Variants in ADGRB3 observed in about 807,000 individuals in gnomAD.
ADGRB3 encodes brain-specific angiogenesis inhibitor 3.
In ADGRB3, 37 loss-of-function variants were observed where a neutral mutation model predicts 193.4. That is an observed-to-expected ratio of 0.19 (90% CI 0.15 to 0.25). The LOEUF (loss-of-function observed/expected upper bound fraction) is 0.25, where lower values mean the gene tolerates loss of function less well. ADGRB3 is among the 10% of genes least tolerant of loss of function. ADGRB3 has a pLI of 1.00. For missense variants in ADGRB3, 1,637 were observed against 1,852.9 expected, an observed-to-expected ratio of 0.88 and a Z score of 2.14; for synonymous variants, 690 against 644.2, an observed-to-expected ratio of 1.07 and a Z score of -1.08.
At chr6:68,720,485 A>G (rs1765557540) in intron 3 of ADGRB3, among the ~76,000 whole-genome samples, 1 of 151,794 alleles carries the variant, frequency 6.6e-6, no homozygotes, top group Non-Finnish European at 1.5e-5. Flanking sequence ...AATTTGTATC[A>G]GAAACTCTAA....
At chr6:69,114,796 G>T (rs556872688) in intron 17 of ADGRB3, among the ~76,000 whole-genome samples, 382 of 152,154 alleles carry the variant, frequency 2.5e-3, no homozygotes, top group Middle Eastern at 0.01. Context: ...CTTTTTGTCA[G>T]GTTTGTCAAA....
intron 3 of ADGRB3, among the ~76,000 whole-genome samples, chr6:68,810,154 G>A (rs1020375454): frequency 2.0e-5 from 3 of 152,132 alleles, no homozygotes; most frequent in African/African-American, 7.2e-5. Context: ...ATGGGAAATT[G>A]CTCAGTTGAT....
intron 3 of ADGRB3, among the ~76,000 whole-genome samples, chr6:68,753,265 G>A (rs1766236718): frequency 6.6e-6 from 1 of 152,206 alleles, no homozygotes; most frequent in South Asian, 2.1e-4. Flanking sequence ...ATAGGAGATT[G>A]ATTAGAAAGT....
At chr6:69,342,213 T>TA (rs1768988608) in intron 26 of ADGRB3, among the ~76,000 whole-genome samples, 1 of 152,118 alleles carries the variant, frequency 6.6e-6, no homozygotes, top group Non-Finnish European at 1.5e-5. Context: ...TAATGGAAAA[T>TA]AAAAATATGG....
chr6:68,770,438 G>A (rs899704265), intron 3 of ADGRB3, among the ~76,000 whole-genome samples: 1 of 151,960 alleles, frequency 6.6e-6, no homozygotes, highest in Non-Finnish European at 1.5e-5. Context: ...ACAATTGGGA[G>A]ACATGTCTGT....
At chr6:68,772,894 A>AAAAAATATATAT (rs1466813173) in intron 3 of ADGRB3, among the ~76,000 whole-genome samples, 1 of 22,884 alleles carries the variant, frequency 4.4e-5, no homozygotes, top group African/African-American at 1.9e-4. Flanking sequence ...AAAAAAAAAA[A>AAAAAATATATAT]ATATATATAT....
chr6:69,287,459 A>AT (rs1252535286), intron 20 of ADGRB3, among the ~76,000 whole-genome samples: 1 of 152,198 alleles, frequency 6.6e-6, no homozygotes, highest in African/African-American at 2.4e-5. Flanking sequence ...AAGAAAAAAA[A>AT]CTGAATCTAC....
At chr6:69,155,297 C>A (rs186285401) in intron 17 of ADGRB3, among the ~76,000 whole-genome samples, 15 of 152,316 alleles carry the variant, frequency 9.8e-5, no homozygotes, top group African/African-American at 3.6e-4. Flanking sequence ...CCATTAACTT[C>A]AAGACAAGAT....
At chr6:69,180,964 C>T (rs1037891017) in intron 17 of ADGRB3, among the ~76,000 whole-genome samples, 1 of 152,142 alleles carries the variant, frequency 6.6e-6, no homozygotes, top group Non-Finnish European at 1.5e-5. Flanking sequence ...TCACAGAGTA[C>T]CCAAGCCTCT....
chr6:69,168,822 A>T (rs1775197099), intron 17 of ADGRB3, among the ~76,000 whole-genome samples: 1 of 152,122 alleles, frequency 6.6e-6, no homozygotes, highest in Non-Finnish European at 1.5e-5. Context: ...AGTTGGAAAA[A>T]TCAGCATGTA....
intron 8 of ADGRB3, among the ~76,000 whole-genome samples, chr6:68,967,005 G>T (rs1262822154): frequency 6.6e-6 from 1 of 152,168 alleles, no homozygotes; most frequent in Non-Finnish European, 1.5e-5. Flanking sequence ...TTCAAAGAAT[G>T]CCAAGTCACC....
Position 68,845,598 on chromosome 6 carries a change from G to T in ADGRB3, c.758-84961G>T, listed in dbSNP as rs186403116. Among the ~76,000 whole-genome samples the T allele has an allele frequency of 3.9e-5, 6 of 152,276 alleles. No individual in the cohort carries two copies. The East Asian group carries it at 1.2e-3, about 29-fold the overall frequency. On this transcript the variant is annotated intron_variant, in intron 3 of 31. Transcript: ENST00000370598. Reference sequence around the variant, plus strand: ...AGTAGGTCTTTCTCATGCTATTCTTGTGATAGTGAATAAGTGTCACGAGAT... The same window carrying T: ...AGTAGGTCTTTCTCATGCTATTCTTTTGATAGTGAATAAGTGTCACGAGAT...
chr6:69,017,217 C>T (rs922021794), intron 12 of ADGRB3, among the ~76,000 whole-genome samples: 1 of 151,902 alleles, frequency 6.6e-6, no homozygotes, highest in Non-Finnish European at 1.5e-5. Context: ...CAACCGCAAG[C>T]CCCTTTGAAA....
rs573660290 is a variant in ADGRB3, at chr6:69,206,709, CAAAAG to C, written c.2481-26578_2481-26574del. Among the ~76,000 whole-genome samples the C allele has an allele frequency of 1.6e-3, 236 of 152,156 alleles. 3 individuals carry two copies. The highest frequency in any genetic ancestry group is 5.3e-3 in the African/African-American group (219 of 41,530). On this transcript the variant is annotated intron_variant, in intron 17 of 31. Transcript: ENST00000370598. ...AAAAGAAATTAAATGAAGAAGGAAA[CAAAAG>C]AAGGAGAAAATACTCATGAGAGTTA...
chr6:69,141,054 A>C (rs1427211066), intron 17 of ADGRB3, among the ~76,000 whole-genome samples: 1 of 151,640 alleles, frequency 6.6e-6, no homozygotes, highest in Non-Finnish European at 1.5e-5. Flanking sequence ...GTAAATGCTA[A>C]GGAGAAAAAA....
At chr6:69,020,712 A>G (rs1015322155) in intron 13 of ADGRB3, among the ~76,000 whole-genome samples, 1 of 151,946 alleles carries the variant, frequency 6.6e-6, no homozygotes, top group Non-Finnish European at 1.5e-5. Context: ...AAAATTCTAA[A>G]CATTATTTAT....
rs751553653 is a variant in ADGRB3 at position 69,063,050 on chromosome 6, A to G, written c.2436+14A>G. 5 of 1,569,168 alleles carry G rather than the reference A, an allele frequency of 3.2e-6. No individual in the cohort carries two copies. The East Asian group carries it at 9.0e-5, about 28-fold the overall frequency. ...CATTTGGCTAATGTAAGTACCATCC[A>G]CTGGGCACTGACTTGCTTATGGAAT... On this transcript the variant is annotated intron_variant, in intron 16 of 31. Coordinates refer to ENST00000370598, the MANE Select transcript of ADGRB3 (RefSeq NM_001704.3).
chr6:68,639,539 C>A, intron 3 of ADGRB3, 107 bp downstream of exon 3: 1 of 1,337,292 alleles, frequency 7.5e-7, no homozygotes, highest in Non-Finnish European at 9.9e-7. Flanking sequence ...TTTATTGTCA[C>A]TTTTTGATTC....
At chr6:69,122,218 A>G (rs9454701) in intron 17 of ADGRB3, among the ~76,000 whole-genome samples, 115,466 of 151,230 alleles carry the variant, frequency 0.76, 45,549 homozygotes, top group East Asian at 1. Flanking sequence ...GGAGGCTGAG[A>G]CGGGCAGACC....
Sources: gnomAD v4.1 joint callset for allele counts (sites outside exome capture counted in the v4.1 genomes callset) on GRCh38, gnomAD v4.1.1 for gene constraint, MANE v1.5 for transcripts, NCBI Gene and HGNC (gene_info 2026-07-23, HGNC 2026-07-21) for gene names.